Variants in PALM2AKAP2 observed in about 807,000 individuals in gnomAD.
PALM2AKAP2 encodes the protein PALM2 and AKAP2 fusion.
In PALM2AKAP2, 37 loss-of-function variants were observed where a neutral mutation model predicts 71.5. That is an observed-to-expected ratio of 0.52 (90% CI 0.40 to 0.68). The LOEUF is 0.68. Among genes scored for constraint, PALM2AKAP2 ranks in the 30% least tolerant of loss-of-function variants. PALM2AKAP2 has a pLI of 0.00. For missense variants in PALM2AKAP2, 1,224 were observed against 1,191.8 expected (o/e 1.03, Z -0.40); for synonymous variants, 468 against 478.8 (o/e 0.98, Z 0.29).
At chr9:110,136,651 G>A in exon 2 of PALM2AKAP2, 3 of 1,614,112 alleles carry the variant, frequency 1.9e-6, no homozygotes, top group Non-Finnish European at 2.5e-6. Flanking sequence ...CCCCCAGCCA[G>A]CCTAGAGATG....
At chr9:110,141,000 ATGAG>A (rs1242924478) in intron 2 of PALM2AKAP2, among the ~76,000 whole-genome samples, 1 of 152,260 alleles carries the variant, frequency 6.6e-6, no homozygotes, top group Non-Finnish European at 1.5e-5. Flanking sequence ...AGACCGTAGC[ATGAG>A]TATTTTCAGG....
At chr9:109,839,729 CAGAG>C (rs768853292) in intron 1 of PALM2AKAP2, among the ~76,000 whole-genome samples, 30 of 152,148 alleles carry the variant, frequency 2.0e-4, no homozygotes, top group Non-Finnish European at 4.0e-4. Context: ...ACACCAATAA[CAGAG>C]AGCCAAATCA....
intron 2 of PALM2AKAP2, among the ~76,000 whole-genome samples, chr9:110,153,229 T>G (rs556508651): frequency 3.3e-5 from 5 of 152,346 alleles, no homozygotes; most frequent in Admixed American, 1.3e-4. Flanking sequence ...CAACATTCTT[T>G]CTGCATACAT....
chr9:109,709,363 T>C (rs947791651), intron 1 of PALM2AKAP2, among the ~76,000 whole-genome samples: 3 of 152,230 alleles, frequency 2.0e-5, no homozygotes, highest in Non-Finnish European at 4.4e-5. Flanking sequence ...TTTGTCAAGA[T>C]GGCTGTCACT....
rs1428757481 is a variant in PALM2AKAP2 at position 110,103,267 on chromosome 9, G to A, written c.157-32860G>A. Among the ~76,000 whole-genome samples, 6 of 152,230 alleles carry A rather than the reference G, an allele frequency of 3.9e-5. No homozygotes were observed. The East Asian group carries it at 9.6e-4, about 24-fold the overall frequency. On this transcript the variant is annotated intron_variant, in intron 1 of 3. Coordinates refer to ENST00000374525, the Ensembl canonical transcript of PALM2AKAP2. ...TGCCTAGTCTCCACCCTGTGTCCCC[G>A]ATGCCCAGCACAGTGCCTGAAGCAC...
At chr9:110,108,432 C>T (rs545673445) in intron 1 of PALM2AKAP2, among the ~76,000 whole-genome samples, 4 of 151,934 alleles carry the variant, frequency 2.6e-5, no homozygotes, top group Non-Finnish European at 4.4e-5. Context: ...TTTTCTAGTA[C>T]GCTGATGAGA....
At chr9:109,937,982 A>G (rs1019296819) in intron 6 of PALM2AKAP2, among the ~76,000 whole-genome samples, 10 of 152,248 alleles carry the variant, frequency 6.6e-5, no homozygotes, top group African/African-American at 2.4e-4. Flanking sequence ...AAGACAGGGC[A>G]GGTTAGAGAG....
chr9:110,061,123 C>A (rs1833957638), intron 1 of PALM2AKAP2, among the ~76,000 whole-genome samples: 1 of 152,178 alleles, frequency 6.6e-6, no homozygotes, highest in Admixed American at 6.5e-5. Context: ...ATGTGTGTCA[C>A]CTCTTGCAAG....
intron 3 of PALM2AKAP2, among the ~76,000 whole-genome samples, chr9:110,167,905 A>G (rs561963740): frequency 1.3e-5 from 2 of 152,200 alleles, no homozygotes; most frequent in African/African-American, 4.8e-5. Flanking sequence ...ACATGGAGCT[A>G]TTCAAATTAA....
intron 1 of PALM2AKAP2, among the ~76,000 whole-genome samples, chr9:109,735,632 T>G (rs191598083): frequency 5.8e-4 from 89 of 152,300 alleles, no homozygotes; most frequent in Admixed American, 4.2e-3. Flanking sequence ...GATTAAGAAG[T>G]TTCCTCTTTT....
At chr9:109,695,038 C>A (rs1464301991) in intron 1 of PALM2AKAP2, among the ~76,000 whole-genome samples, 1 of 152,002 alleles carries the variant, frequency 6.6e-6, no homozygotes. Context: ...TAAATTCCAG[C>A]CAGATCAAAT....
In PALM2AKAP2 at chr9:109,861,292, G is replaced by A. The variant is rs142219303; in HGVS notation, c.46-6199G>A. On this transcript the variant is annotated intron_variant, in intron 1 of 9. Coordinates refer to the PALM2AKAP2 transcript ENST00000302798. ...GCAGCACAGTCAGCAGGAGAGAAGA[G>A]GGAGTCTCAAGGAGCAAAAAGGTGG... Among the ~76,000 whole-genome samples the A allele has an allele frequency of 2.1e-3, 321 of 152,306 alleles. 2 individuals are homozygous for A. The highest frequency in any genetic ancestry group is 7.2e-3 in the African/African-American group (298 of 41,568).
chr9:109,835,415 G>A (rs1313960038), intron 1 of PALM2AKAP2, among the ~76,000 whole-genome samples: 9 of 151,944 alleles, frequency 5.9e-5, no homozygotes, highest in East Asian at 1.9e-4. Flanking sequence ...CAAGATGGCC[G>A]AATAGGAACA....
intron 3 of PALM2AKAP2, among the ~76,000 whole-genome samples, chr9:109,922,142 A>T (rs1172025329): frequency 7.2e-5 from 11 of 152,092 alleles, no homozygotes; most frequent in Admixed American, 7.2e-4. Context: ...AAAGAGGGCC[A>T]GGCACGGTGG....
chr9:109,925,602 A>C (rs1289899453), intron 5 of PALM2AKAP2, among the ~76,000 whole-genome samples: 1 of 151,966 alleles, frequency 6.6e-6, no homozygotes, highest in Non-Finnish European at 1.5e-5. Context: ...GGCTGGGCAA[A>C]AACTTCCCTC....
chr9:109,903,097 C>T (rs901960701), intron 3 of PALM2AKAP2, among the ~76,000 whole-genome samples: 10 of 152,040 alleles, frequency 6.6e-5, no homozygotes, highest in African/African-American at 2.2e-4. Flanking sequence ...ACCAGATGCA[C>T]GGGTGAAAGA....
chr9:110,026,098 T>G (rs1480337040), intron 7 of PALM2AKAP2, among the ~76,000 whole-genome samples: 1 of 152,136 alleles, frequency 6.6e-6, no homozygotes, highest in East Asian at 1.9e-4. Flanking sequence ...TCTTTCTTTC[T>G]TTTAGACAGG....
chr9:109,653,142 A>G (rs541393370), intron 1 of PALM2AKAP2, among the ~76,000 whole-genome samples: 2 of 152,330 alleles, frequency 1.3e-5, no homozygotes, highest in East Asian at 1.9e-4. Flanking sequence ...CTCCGTGATC[A>G]TGGGTGAGGC....
At chr9:109,782,222 T>A (rs1245672286) in intron 1 of PALM2AKAP2, among the ~76,000 whole-genome samples, 1 of 152,196 alleles carries the variant, frequency 6.6e-6, no homozygotes, top group African/African-American at 2.4e-5. Flanking sequence ...CCAAGAAAGA[T>A]CTAGGCAAAT....
Sources: gnomAD v4.1 joint callset for allele counts (sites outside exome capture counted in the v4.1 genomes callset) on GRCh38, gnomAD v4.1.1 for gene constraint, MANE v1.5 for transcripts, NCBI Gene and HGNC (gene_info 2026-07-23, HGNC 2026-07-21) for gene names.